The following ESRRG variants were observed in gnomAD, a reference collection of about 807,000 sequenced individuals.
ESRRG encodes estrogen related receptor gamma, also known as estrogen-related receptor gamma.
In ESRRG, 13 loss-of-function variants were observed where a neutral mutation model predicts 44.0. The ratio of observed to expected loss-of-function variants is 0.30; its 90% CI spans 0.19 to 0.47. ESRRG has a LOEUF of 0.47. Among genes scored for constraint, ESRRG ranks in the 20% least tolerant of loss-of-function variants. The pLI is 1.00. For synonymous variants in ESRRG, 215 were observed against 214.6 expected (o/e 1.00, Z -0.02); for missense variants, 395 against 580.6 (o/e 0.68, Z 3.29).
intron 2 of ESRRG, among the ~76,000 whole-genome samples, chr1:216,806,743 A>G (rs1337848676): frequency 6.6e-6 from 1 of 152,174 alleles, no homozygotes; most frequent in Non-Finnish European, 1.5e-5. Flanking sequence ...ATCCCCTAAT[A>G]GACTTCTTTG....
intron 1 of ESRRG, among the ~76,000 whole-genome samples, chr1:216,686,434 T>C (rs1477392965): frequency 2.2e-5 from 2 of 89,460 alleles, no homozygotes; most frequent in Non-Finnish European, 4.2e-5. Flanking sequence ...ACAGGTATTG[T>C]TAACCAAAAA....
rs187097028 is a variant in ESRRG at position 216,681,626 on chromosome 1, C to T, written c.57-4135G>A. ...TTCAACCTAGGATGTCATTTCCTAGCCCTGCTTAGGGTCAGCAAGGGTGAA... is the reference window on the plus strand; with the variant it reads ...TTCAACCTAGGATGTCATTTCCTAGTCCTGCTTAGGGTCAGCAAGGGTGAA... On this transcript the variant is annotated intron_variant, in intron 1 of 6. Transcript: ENST00000408911. Among the ~76,000 whole-genome samples the T allele has an allele frequency of 3.3e-3, 508 of 152,234 alleles. 4 individuals are homozygous for T. The highest frequency in any genetic ancestry group is 6.0e-3 in the Non-Finnish European group (408 of 68,014).
intron 2 of ESRRG, among the ~76,000 whole-genome samples, chr1:216,751,837 T>TAA (rs397810242): frequency 6.7e-6 from 1 of 148,460 alleles, no homozygotes; most frequent in South Asian, 2.2e-4. Flanking sequence ...GATATATATA[T>TAA]TTTTTTCTTT....
chr1:216,820,350 G>A (rs943276508), intron 2 of ESRRG, among the ~76,000 whole-genome samples: 2 of 152,132 alleles, frequency 1.3e-5, no homozygotes, highest in African/African-American at 4.8e-5. Context: ...AAAATATGGA[G>A]TGATGAATGG....
intron 1 of ESRRG, among the ~76,000 whole-genome samples, chr1:217,131,009 G>A (rs555119173): frequency 6.6e-6 from 1 of 152,208 alleles, no homozygotes; most frequent in Non-Finnish European, 1.5e-5. Context: ...CCGTCAAACA[G>A]GTTGTACAGG....
At chr1:216,680,426 T>C (rs868514002) in intron 1 of ESRRG, among the ~76,000 whole-genome samples, 8 of 152,174 alleles carry the variant, frequency 5.3e-5, no homozygotes, top group African/African-American at 1.7e-4. Flanking sequence ...GAGTTTTTAA[T>C]GGTGTTTATT....
At chr1:216,977,341 T>TACACACACACACACACAC (rs1553749984) in intron 1 of ESRRG, among the ~76,000 whole-genome samples, 53 of 144,074 alleles carry the variant, frequency 3.7e-4, no homozygotes, top group African/African-American at 8.3e-4. Context: ...GGAGGATACA[T>TACACACACACACACACAC]ACACACACAC....
chr1:217,041,180 G>A (rs899874612), intron 1 of ESRRG, among the ~76,000 whole-genome samples: 1 of 151,856 alleles, frequency 6.6e-6, no homozygotes, highest in African/African-American at 2.4e-5. Flanking sequence ...AAATCACAGA[G>A]ACCCAGGGAT....
chr1:217,032,966 G>T (rs764593941), intron 1 of ESRRG, among the ~76,000 whole-genome samples: 2 of 152,158 alleles, frequency 1.3e-5, no homozygotes, highest in African/African-American at 4.8e-5. Context: ...GGCACAGACC[G>T]TCCCCTGTGG....
chr1:216,815,590 C>T (rs902099817), intron 2 of ESRRG, among the ~76,000 whole-genome samples: 21 of 152,186 alleles, frequency 1.4e-4, no homozygotes, highest in African/African-American at 5.1e-4. Flanking sequence ...GCTCAGGCCT[C>T]CCTGGCTTGG....
chr1:217,027,265 C>A (rs2081361790), intron 1 of ESRRG, among the ~76,000 whole-genome samples: 1 of 152,052 alleles, frequency 6.6e-6, no homozygotes, highest in African/African-American at 2.4e-5. Context: ...CATCCTGAAC[C>A]CACATTATAA....
At chr1:217,080,295 T>C (rs959209179) in intron 1 of ESRRG, among the ~76,000 whole-genome samples, 6 of 152,114 alleles carry the variant, frequency 3.9e-5, no homozygotes, top group Admixed American at 6.5e-5. Context: ...TTTTCCTAAA[T>C]TGAAAAAAAC....
intron 2 of ESRRG, among the ~76,000 whole-genome samples, chr1:216,826,187 A>G (rs1360916779): frequency 6.9e-6 from 1 of 145,384 alleles, no homozygotes; most frequent in Admixed American, 7.0e-5. Flanking sequence ...TTGTTTAAGG[A>G]CAAAAAAAAA....
At chr1:216,887,971 T>A (rs1308454329) in intron 2 of ESRRG, among the ~76,000 whole-genome samples, 1 of 151,824 alleles carries the variant, frequency 6.6e-6, no homozygotes, top group Non-Finnish European at 1.5e-5. Context: ...TTTCTCTGCC[T>A]GATTGGTTAA....
chr1:216,785,448 C>A (rs548869562), intron 2 of ESRRG, among the ~76,000 whole-genome samples: 54 of 152,142 alleles, frequency 3.5e-4, no homozygotes, highest in African/African-American at 1.2e-3. Flanking sequence ...TTCTAGACAT[C>A]ACGGTGTTAG....
intron 2 of ESRRG, among the ~76,000 whole-genome samples, chr1:216,782,285 G>C (rs2093962835): frequency 6.6e-6 from 1 of 152,024 alleles, no homozygotes; most frequent in African/African-American, 2.4e-5. Context: ...CAGGATGACT[G>C]AGTAAGTCTC....
chr1:216,972,426 GA>G (rs1007105622), intron 1 of ESRRG, among the ~76,000 whole-genome samples: 5 of 152,070 alleles, frequency 3.3e-5, no homozygotes, highest in Non-Finnish European at 5.9e-5. Flanking sequence ...CTAGTTACCA[GA>G]AAAAAATAAC....
chr1:216,539,296 C>CATAT (rs144235155), intron 5 of ESRRG, among the ~76,000 whole-genome samples: 35 of 150,372 alleles, frequency 2.3e-4, no homozygotes, highest in African/African-American at 8.0e-4. Context: ...GAAGAATTTT[C>CATAT]ATATATATAT....
intron 1 of ESRRG, among the ~76,000 whole-genome samples, chr1:217,015,009 A>T (rs764335007): frequency 6.6e-5 from 10 of 152,182 alleles, no homozygotes; most frequent in Non-Finnish European, 1.3e-4. Flanking sequence ...TGACCAAAAA[A>T]AGCAGAAACC....
Sources: allele counts gnomAD v4.1 joint callset (sites outside exome capture counted in the v4.1 genomes callset), GRCh38; gene constraint gnomAD v4.1.1; transcripts MANE v1.5; gene names NCBI Gene and HGNC (gene_info 2026-07-23, HGNC 2026-07-21).